Variants in ADGRV1 observed in about 807,000 individuals in gnomAD.
ADGRV1 encodes G-protein coupled receptor 98.
In ADGRV1, 359 loss-of-function variants were observed where a neutral mutation model predicts 596.2. That is an observed-to-expected ratio of 0.60 (90% CI 0.55 to 0.66). ADGRV1 has a LOEUF of 0.66. ADGRV1 is among the 30% of genes least tolerant of loss of function. The pLI, the probability that ADGRV1 is intolerant of heterozygous loss-of-function variation, is 0.00. For missense variants in ADGRV1, 7,274 were observed against 7,575.6 expected, an observed-to-expected ratio of 0.96 and a Z score of 1.48; for synonymous variants, 2,681 against 2,679.2, an observed-to-expected ratio of 1.00 and a Z score of -0.02.
chr5:90,725,429 G>A, intron 47 of ADGRV1, 120 bp from the exon 48 acceptor site: 1 of 713,146 alleles, frequency 1.4e-6, no homozygotes, highest in Non-Finnish European at 2.4e-6. Context: ...GTTATGTGTA[G>A]CTTGGTATTA....
At chr5:91,123,999 A>C (rs1260803525) in intron 87 of ADGRV1, among the ~76,000 whole-genome samples, 1 of 152,154 alleles carries the variant, frequency 6.6e-6, no homozygotes, top group Non-Finnish European at 1.5e-5. Context: ...GGCCAGTGGG[A>C]TGCATTTTAA....
At chr5:90,869,694 A>G (rs1278334120) in intron 83 of ADGRV1, among the ~76,000 whole-genome samples, 1 of 152,202 alleles carries the variant, frequency 6.6e-6, no homozygotes, top group African/African-American at 2.4e-5. Flanking sequence ...TAAATCAATA[A>G]AAAAGCCACA....
At chr5:90,966,454 C>G (rs1226199801) in intron 84 of ADGRV1, among the ~76,000 whole-genome samples, 5 of 150,198 alleles carry the variant, frequency 3.3e-5, no homozygotes. Context: ...ATCACTTGAA[C>G]CCAGGAGGCG....
rs571254420 is a variant in ADGRV1, at chr5:90,768,752, T to C, written c.12285+5283T>C. On this transcript the variant is annotated intron_variant, in intron 59 of 89. Transcript: ENST00000405460. ...GAAACATACAACTCTCCGGAACTGA[T>C]GAATGGTCTATAGGTGATGAGTCAG... is the stretch of plus-strand genomic sequence containing the variant. Among the ~76,000 whole-genome samples the C allele has an allele frequency of 7.9e-4, 121 of 152,306 alleles. 1 individual carries two copies. The highest frequency in any genetic ancestry group is 2.8e-3 in the African/African-American group (117 of 41,564).
chr5:91,134,885 C>A (rs1437153480), intron 87 of ADGRV1, among the ~76,000 whole-genome samples: 1 of 151,972 alleles, frequency 6.6e-6, no homozygotes, highest in Non-Finnish European at 1.5e-5. Context: ...TAAAGGAAAC[C>A]AAAATTGGAA....
At chr5:90,888,240 G>A (rs1770485159) in intron 83 of ADGRV1, among the ~76,000 whole-genome samples, 1 of 152,110 alleles carries the variant, frequency 6.6e-6, no homozygotes, top group Non-Finnish European at 1.5e-5. Flanking sequence ...GGAAGAGTGA[G>A]CTAAAGTGAA....
At chr5:90,983,962 T>C (rs1308844278) in intron 84 of ADGRV1, among the ~76,000 whole-genome samples, 2 of 152,218 alleles carry the variant, frequency 1.3e-5, no homozygotes, top group Non-Finnish European at 2.9e-5. Context: ...AATGCTTATT[T>C]TTCAAATAGA....
chr5:90,943,031 A>T (rs1231362773), intron 83 of ADGRV1, among the ~76,000 whole-genome samples: 2 of 152,150 alleles, frequency 1.3e-5, no homozygotes, highest in African/African-American at 4.8e-5. Context: ...AATCAGCAAG[A>T]TTTGATGACT....
intron 17 of ADGRV1, among the ~76,000 whole-genome samples, chr5:90,650,510 T>G (rs933084454): frequency 6.6e-6 from 1 of 152,260 alleles, no homozygotes; most frequent in Non-Finnish European, 1.5e-5. Flanking sequence ...TAATTTTTAT[T>G]GATAAGCTGG....
At chr5:90,961,070 C>G (rs1306358848) in intron 83 of ADGRV1, among the ~76,000 whole-genome samples, 1 of 151,950 alleles carries the variant, frequency 6.6e-6, no homozygotes, top group Non-Finnish European at 1.5e-5. Flanking sequence ...CCTTAGGCAC[C>G]CGTCTATTAG....
chr5:90,838,006 T>G (rs2150350658), intron 77 of ADGRV1, among the ~76,000 whole-genome samples: 1 of 152,318 alleles, frequency 6.6e-6, no homozygotes, highest in Non-Finnish European at 1.5e-5. Context: ...TTGGAAATTG[T>G]GCAAATGAAA....
chr5:91,101,171 TG>T (rs1239921776), intron 86 of ADGRV1, among the ~76,000 whole-genome samples: 2 of 152,148 alleles, frequency 1.3e-5, no homozygotes, highest in African/African-American at 4.8e-5. Context: ...CAGAGGGTAA[TG>T]GGGGATCAGA....
At chr5:91,114,400 G>C (rs927786400) in intron 87 of ADGRV1, among the ~76,000 whole-genome samples, 1 of 151,948 alleles carries the variant, frequency 6.6e-6, no homozygotes, top group East Asian at 1.9e-4. Flanking sequence ...GGTGGCACAC[G>C]CCTGTAATTG....
chr5:90,793,051 C>T (rs1760256051), intron 70 of ADGRV1: 1 of 152,182 alleles, frequency 6.6e-6, no homozygotes. Context: ...TTTTTCTCAT[C>T]AACATTATAT....
At chr5:90,962,568 A>G (rs1310438624) in intron 83 of ADGRV1, among the ~76,000 whole-genome samples, 1 of 152,188 alleles carries the variant, frequency 6.6e-6, no homozygotes, top group African/African-American at 2.4e-5. Flanking sequence ...TCTTGGTCTC[A>G]TTTTATTTCT....
chr5:91,035,861 T>TAATATATATATATATATATA lies in ADGRV1; in HGVS notation c.18153-36586_18153-36585insAATATATATATATATATATA. ...ATGAGTGTGTATATATATATATATATTATATATATATATATATATATCTTA... is the reference window on the plus strand; with the variant it reads ...ATGAGTGTGTATATATATATATATATAATATATATATATATATATATATATATATATATATATATATCTTA... On this transcript the variant is annotated intron_variant, in intron 85 of 89. Coordinates refer to ENST00000405460, the MANE Select transcript of ADGRV1 (RefSeq NM_032119.4). Among the ~76,000 whole-genome samples, 274 of 96,368 alleles carry TAATATATATATATATATATA rather than the reference T, an allele frequency of 2.8e-3. 5 individuals carry two copies. The highest frequency in any genetic ancestry group is 5.0e-3 in the Non-Finnish European group (228 of 46,058). The allele number at this position is 96,368 out of a possible 152,430, so 63.2% of individuals were successfully genotyped here. A position where few individuals can be genotyped will look rare whatever the true frequency, so the allele number is the denominator to read the frequency against.
At chr5:90,736,341 G>A (rs1160360689) in intron 50 of ADGRV1, among the ~76,000 whole-genome samples, 1 of 151,988 alleles carries the variant, frequency 6.6e-6, no homozygotes, top group African/African-American at 2.4e-5. Context: ...CATGGTGAAT[G>A]ATTCCTTTAT....
chr5:90,856,883 G>A (rs1192576409), intron 82 of ADGRV1, among the ~76,000 whole-genome samples: 2 of 152,046 alleles, frequency 1.3e-5, no homozygotes, highest in African/African-American at 4.8e-5. Flanking sequence ...GTGATATTTT[G>A]TCTGTAAATG....
chr5:90,685,239 G>C (rs1311795631), intron 28 of ADGRV1, among the ~76,000 whole-genome samples: 1 of 152,068 alleles, frequency 6.6e-6, no homozygotes, highest in South Asian at 2.1e-4. Flanking sequence ...CGAATGTCTA[G>C]ATTAATGCTG....
Sources: allele counts gnomAD v4.1 joint callset (sites outside exome capture counted in the v4.1 genomes callset), GRCh38; gene constraint gnomAD v4.1.1; transcripts MANE v1.5; gene names NCBI Gene and HGNC (gene_info 2026-07-23, HGNC 2026-07-21).